Variants in PTPRO observed in about 807,000 individuals in gnomAD.
PTPRO encodes protein tyrosine phosphatase receptor type O, also known as receptor-type tyrosine-protein phosphatase O.
A neutral mutation model predicts 145.2 loss-of-function variants in PTPRO; 62 were observed. That is an observed-to-expected ratio of 0.43 (90% CI 0.35 to 0.53). The LOEUF (loss-of-function observed/expected upper bound fraction) is 0.53. Ranked by LOEUF, PTPRO falls within the 20% of genes least tolerant of loss-of-function variation. The pLI, the probability that PTPRO is intolerant of heterozygous loss-of-function variation, is 0.01. For synonymous variants in PTPRO, 565 were observed against 514.7 expected (o/e 1.10, Z -1.32); for missense variants, 1,345 against 1,482.7 (o/e 0.91, Z 1.53).
intron 22 of PTPRO, 76 bp downstream of exon 22, chr12:15,580,907 G>A (rs1944297596): frequency 6.4e-7 from 1 of 1,556,558 alleles, no homozygotes; most frequent in South Asian, 1.1e-5. Context: ...AATGCTTGCT[G>A]TTTTCAAAGT....
chr12:15,580,840 T>G lies in PTPRO; in HGVS notation c.3132+9T>G. On this transcript the variant is annotated intron_variant, in intron 22 of 26. Transcript: ENST00000281171. Reference sequence around the variant, plus strand: ...GTAATGAGAAAAGGAGGGTACGTACTTACTGAAACTGCTCCCACTTAGCAG... The same window carrying G: ...GTAATGAGAAAAGGAGGGTACGTACGTACTGAAACTGCTCCCACTTAGCAG... The G allele has an allele frequency of 6.2e-7, 1 of 1,613,832 alleles. No individual in the cohort carries two copies. The highest frequency in any genetic ancestry group is 8.5e-7 in the Non-Finnish European group (1 of 1,179,788).
At chr12:15,507,457 T>G (rs1324353231) in intron 6 of PTPRO, among the ~76,000 whole-genome samples, 3 of 110,818 alleles carry the variant, frequency 2.7e-5, no homozygotes, top group African/African-American at 6.0e-5. Flanking sequence ...AAATAAGGAA[T>G]GAAATACGTA....
intron 1 of PTPRO, among the ~76,000 whole-genome samples, chr12:15,334,208 T>G (rs1354416118): frequency 1.3e-5 from 2 of 152,342 alleles, no homozygotes; most frequent in South Asian, 2.1e-4. Flanking sequence ...TTTGGAAATT[T>G]TATTGTTTAT....
chr12:15,363,791 G>T (rs1450182823), intron 1 of PTPRO, among the ~76,000 whole-genome samples: 1 of 152,052 alleles, frequency 6.6e-6, no homozygotes, highest in Non-Finnish European at 1.5e-5. Context: ...CGCTATCACT[G>T]TTATTTTAAT....
intron 1 of PTPRO, among the ~76,000 whole-genome samples, chr12:15,351,476 C>G (rs1043253997): frequency 5.3e-5 from 8 of 151,958 alleles, no homozygotes. Context: ...GGAGAGACAA[C>G]CAGCATATGA....
chr12:15,487,105 C>G (rs1180852985), intron 2 of PTPRO, among the ~76,000 whole-genome samples: 1 of 152,150 alleles, frequency 6.6e-6, no homozygotes, highest in Non-Finnish European at 1.5e-5. Context: ...CAGCAATAGA[C>G]TGCTGTTGCT....
chr12:15,350,735 T>G (rs1008443017), intron 1 of PTPRO, among the ~76,000 whole-genome samples: 2 of 152,228 alleles, frequency 1.3e-5, no homozygotes, highest in Non-Finnish European at 2.9e-5. Flanking sequence ...TTGTACCAGA[T>G]GCACAAGAAG....
At chr12:15,401,497 A>T (rs1305570996) in intron 1 of PTPRO, among the ~76,000 whole-genome samples, 1 of 152,198 alleles carries the variant, frequency 6.6e-6, no homozygotes, top group Non-Finnish European at 1.5e-5. Context: ...TGTGCATAGC[A>T]TGGATAGATT....
chr12:15,388,099 T>TA (rs562380359), intron 1 of PTPRO, among the ~76,000 whole-genome samples: 27 of 151,980 alleles, frequency 1.8e-4, no homozygotes, highest in African/African-American at 6.0e-4. Context: ...CAGGGAATAC[T>TA]AAAAAAAAGA....
chr12:15,341,482 TTGTCTTATC>T lies in PTPRO; in HGVS notation c.75+18687_75+18695del, dbSNP rs371982234. Among the ~76,000 whole-genome samples, 284 of 152,350 alleles carry T rather than the reference TTGTCTTATC, an allele frequency of 1.9e-3. 3 individuals are homozygous for T. Among genetic ancestry groups the T allele is most frequent in the African/African-American group, 6.3e-3 (264 of 41,588 alleles). ...AATAGAATAATTTTCCAGCCATTTC[TTGTCTTATC>T]TGTCTAGAGTTGATCTGAATGAAAT... On this transcript the variant is annotated intron_variant, in intron 1 of 26. Transcript: ENST00000281171.
intron 23 of PTPRO, among the ~76,000 whole-genome samples, chr12:15,582,368 TG>T (rs2135651044): frequency 6.6e-6 from 1 of 152,366 alleles, no homozygotes; most frequent in Non-Finnish European, 1.5e-5. Context: ...AGGGAAGTGC[TG>T]GGAGACCAAC....
chr12:15,443,611 A>G (rs1304622376), intron 1 of PTPRO, among the ~76,000 whole-genome samples: 1 of 152,190 alleles, frequency 6.6e-6, no homozygotes, highest in Non-Finnish European at 1.5e-5. Flanking sequence ...ACAAAGGTCT[A>G]ATATCTAGAA....
At chr12:15,495,651 A>T (rs919755883) in intron 2 of PTPRO, among the ~76,000 whole-genome samples, 1 of 152,042 alleles carries the variant, frequency 6.6e-6, no homozygotes, top group African/African-American at 2.4e-5. Flanking sequence ...GACCACCTGG[A>T]AACACCAACT....
intron 1 of PTPRO, chr12:15,440,080 C>A: frequency 3.2e-6 from 2 of 634,306 alleles, no homozygotes; most frequent in Non-Finnish European, 5.7e-6. Flanking sequence ...AGGTGACAGA[C>A]CGCTGCAGCT....
chr12:15,407,252 G>A (rs1299174358), intron 1 of PTPRO, among the ~76,000 whole-genome samples: 1 of 152,112 alleles, frequency 6.6e-6, no homozygotes, highest in African/African-American at 2.4e-5. Context: ...AAAGTCTAAG[G>A]ACAAGTGTCA....
intron 2 of PTPRO, among the ~76,000 whole-genome samples, chr12:15,484,681 G>A (rs1288449788): frequency 2.0e-5 from 3 of 152,156 alleles, no homozygotes; most frequent in Non-Finnish European, 1.5e-5. Flanking sequence ...CTTTGGCTGA[G>A]AGAGAGAAAA....
At chr12:15,370,462 A>G (rs1234875539) in intron 1 of PTPRO, among the ~76,000 whole-genome samples, 2 of 152,242 alleles carry the variant, frequency 1.3e-5, no homozygotes, top group Non-Finnish European at 2.9e-5. Context: ...ATGTGTGAAT[A>G]TTAATTTAAT....
intron 1 of PTPRO, among the ~76,000 whole-genome samples, chr12:15,347,164 C>T (rs1047197250): frequency 3.9e-5 from 6 of 152,066 alleles, no homozygotes; most frequent in East Asian, 1.9e-4. Flanking sequence ...CAGTTTTTTC[C>T]TCCTCCTCAG....
At chr12:15,333,369 C>G (rs376556555) in intron 1 of PTPRO, among the ~76,000 whole-genome samples, 1 of 152,222 alleles carries the variant, frequency 6.6e-6, no homozygotes, top group African/African-American at 2.4e-5. Flanking sequence ...CTTAGCTCCT[C>G]TATGGGAATA....
Sources: gnomAD v4.1 joint callset for allele counts (sites outside exome capture counted in the v4.1 genomes callset) on GRCh38, gnomAD v4.1.1 for gene constraint, MANE v1.5 for transcripts, NCBI Gene and HGNC (gene_info 2026-07-23, HGNC 2026-07-21) for gene names.